The following CA1 variants were observed in gnomAD, a reference collection of about 807,000 sequenced individuals.
CA1 encodes carbonate dehydratase I.
A neutral mutation model predicts 28.8 loss-of-function variants in CA1; 27 were observed. That is an observed-to-expected ratio of 0.94 (90% CI 0.69 to 1.29). CA1 has a LOEUF of 1.29. Among genes scored for constraint, CA1 ranks in the 50% most tolerant of loss-of-function variants. CA1 has a pLI of 0.00. For synonymous variants in CA1, 121 were observed against 108.8 expected (o/e 1.11, Z -0.70); for missense variants, 335 against 310.5 (o/e 1.08, Z -0.59).
chr8:85,336,837 A>G, intron 4 of CA1, 108 bp downstream of exon 4: 3 of 779,378 alleles, frequency 3.8e-6, no homozygotes, highest in Non-Finnish European at 7.1e-6. Context: ...CCTTACTGGA[A>G]TACCCATTCC....
In CA1 at chr8:85,336,929, T is replaced by TA. The variant is rs761957958; in HGVS notation, c.354+15dup. ...ACTCTCAGGGTAATTATCTCTCACT[T>TA]ACTAAATTACATTACCTCGGCAGAA... On this transcript the variant is annotated intron_variant, in intron 4 of 7. Coordinates refer to ENST00000523022, the MANE Select transcript of CA1 (RefSeq NM_001128831.4). The TA allele has an allele frequency of 1.7e-5, 25 of 1,449,082 alleles. No individual in the cohort carries two copies. The African/African-American group carries it at 2.7e-4, about 15-fold the overall frequency. The allele number at this position is 1,449,082 out of a possible 1,614,324, so 89.8% of individuals were successfully genotyped here.
At chr8:85,358,473 T>G (rs1170638909) in intron 1 of CA1, among the ~76,000 whole-genome samples, 2 of 152,200 alleles carry the variant, frequency 1.3e-5, no homozygotes, top group Admixed American at 6.5e-5. Flanking sequence ...TTGAGATCTC[T>G]GAGGATTTTG....
intron 1 of CA1, among the ~76,000 whole-genome samples, chr8:85,345,921 A>T (rs1442190942): frequency 6.6e-6 from 1 of 152,158 alleles, no homozygotes; most frequent in African/African-American, 2.4e-5. Flanking sequence ...TATAGTTTGA[A>T]CTTTTGACAT....
chr8:85,348,971 G>A (rs1021117369), intron 1 of CA1, among the ~76,000 whole-genome samples: 5 of 152,150 alleles, frequency 3.3e-5, no homozygotes, highest in African/African-American at 1.2e-4. Flanking sequence ...AGGATTTGAT[G>A]ATGTACATTA....
chr8:85,344,348 A>C (rs1585933283), intron 1 of CA1, among the ~76,000 whole-genome samples: 1 of 137,248 alleles, frequency 7.3e-6, no homozygotes. Flanking sequence ...ATTTATACAT[A>C]TATTATGTAT....
intron 1 of CA1, among the ~76,000 whole-genome samples, chr8:85,371,610 G>A (rs1453534181): frequency 6.6e-6 from 1 of 152,126 alleles, no homozygotes; most frequent in Non-Finnish European, 1.5e-5. Flanking sequence ...TAGTCAGGTA[G>A]GGTCCACCCA....
intron 1 of CA1, among the ~76,000 whole-genome samples, chr8:85,366,363 G>T (rs1308535128): frequency 6.6e-6 from 1 of 151,938 alleles, no homozygotes; most frequent in Non-Finnish European, 1.5e-5. Flanking sequence ...TTCTCCCTTA[G>T]CCTCCAAGGA....
intron 1 of CA1, among the ~76,000 whole-genome samples, chr8:85,352,605 A>G (rs1278664863): frequency 1.3e-5 from 2 of 150,666 alleles, no homozygotes; most frequent in Non-Finnish European, 2.9e-5. Context: ...ACTGCTGCCT[A>G]TGTCAGGATG....
chr8:85,342,192 A>G (rs1808957675), intron 1 of CA1, among the ~76,000 whole-genome samples: 1 of 152,142 alleles, frequency 6.6e-6, no homozygotes, highest in Non-Finnish European at 1.5e-5. Flanking sequence ...CATTTTATAG[A>G]TATACAGGGT....
intron 1 of CA1, among the ~76,000 whole-genome samples, chr8:85,356,934 C>T (rs564577825): frequency 1.3e-5 from 2 of 152,234 alleles, no homozygotes; most frequent in African/African-American, 2.4e-5. Flanking sequence ...CAGTTGCACA[C>T]CTGAAAACCC....
chr8:85,338,672 CTTTCTTT>C (rs1808779380), intron 2 of CA1, among the ~76,000 whole-genome samples: 1 of 129,242 alleles, frequency 7.7e-6, no homozygotes, highest in African/African-American at 2.8e-5. Flanking sequence ...TTCTTTCTTT[CTTTCTTT>C]CTTTCCTTCT....
intron 1 of CA1, among the ~76,000 whole-genome samples, chr8:85,368,188 A>G (rs571170076): frequency 1.4e-4 from 21 of 151,986 alleles, no homozygotes; most frequent in Non-Finnish European, 3.1e-4. Flanking sequence ...TATTATTTTG[A>G]GGCAGAGTCT....
rs572813957 is a variant in CA1, at chr8:85,344,268, T to TATA, written c.-24-2612_-24-2610dup. ...ATTATATATTATATACAGTATATAATATATAATTATATATTATATACAGTA... is the reference window on the plus strand; with the variant it reads ...ATTATATATTATATACAGTATATAATATAATATAATTATATATTATATACAGTA... On this transcript the variant is annotated intron_variant, in intron 1 of 7. Coordinates refer to ENST00000523022, the MANE Select transcript of CA1 (RefSeq NM_001128831.4). Among the ~76,000 whole-genome samples, 98 of 12,178 alleles carry TATA rather than the reference T, an allele frequency of 8.0e-3. 2 individuals carry two copies. Among genetic ancestry groups the TATA allele is most frequent in the African/African-American group, 0.035 (95 of 2,716 alleles). The allele number at this position is 12,178 out of a possible 152,430, so 8.0% of individuals were successfully genotyped here. A position where few individuals can be genotyped will look rare whatever the true frequency, so the allele number is the denominator to read the frequency against.
chr8:85,347,660 C>T, intron 1 of CA1, among the ~76,000 whole-genome samples: 1 of 152,162 alleles, frequency 6.6e-6, no homozygotes, highest in Non-Finnish European at 1.5e-5. Flanking sequence ...ACCTCACATA[C>T]TCCATCAATG....
chr8:85,337,116 A>G, intron 3 of CA1, 53 bp from the exon 4 acceptor site: 3 of 977,892 alleles, frequency 3.1e-6, no homozygotes, highest in Admixed American at 3.4e-5. Context: ...ACTCTAGCTT[A>G]TCTTTGCATT....
At chr8:85,351,450 T>C (rs1486508868) in intron 1 of CA1, among the ~76,000 whole-genome samples, 1 of 152,180 alleles carries the variant, frequency 6.6e-6, no homozygotes, top group Non-Finnish European at 1.5e-5. Context: ...ATAGGGTGTA[T>C]TTCATTAGAT....
chr8:85,362,102 G>C (rs971554593), intron 1 of CA1, among the ~76,000 whole-genome samples: 7 of 152,098 alleles, frequency 4.6e-5, no homozygotes, highest in Non-Finnish European at 1.0e-4. Context: ...TCAGTCTCTG[G>C]GAAGAATTTG....
intron 1 of CA1, among the ~76,000 whole-genome samples, chr8:85,344,182 A>G (rs1809044647): frequency 8.5e-6 from 1 of 118,250 alleles, no homozygotes; most frequent in African/African-American, 4.3e-5. Flanking sequence ...TGTATATAAT[A>G]TATAATTATA....
At chr8:85,370,277 T>C (rs1168639301) in intron 1 of CA1, among the ~76,000 whole-genome samples, 1 of 152,184 alleles carries the variant, frequency 6.6e-6, no homozygotes, top group African/African-American at 2.4e-5. Context: ...TGGCAGGAAA[T>C]CAATTGAAGT....
Sources: gnomAD v4.1 joint callset for allele counts (sites outside exome capture counted in the v4.1 genomes callset) on GRCh38, gnomAD v4.1.1 for gene constraint, MANE v1.5 for transcripts, NCBI Gene and HGNC (gene_info 2026-07-23, HGNC 2026-07-21) for gene names.